The following COL4A3 variants were observed in gnomAD, a reference collection of about 807,000 sequenced individuals.
COL4A3 encodes collagen type IV alpha 3 chain, also known as collagen alpha-3(IV) chain.
Under a neutral mutation model 217.4 loss-of-function variants are expected in COL4A3, and 135 were observed. The ratio of observed to expected loss-of-function variants is 0.62; its 90% CI spans 0.54 to 0.72. COL4A3 has a LOEUF of 0.72. Among genes scored for constraint, COL4A3 ranks in the 30% least tolerant of loss-of-function variants. COL4A3 has a pLI of 0.00. For synonymous variants in COL4A3, 690 were observed against 736.3 expected, an observed-to-expected ratio of 0.94 and a Z score of 1.02; for missense variants, 1,868 against 2,119.9, an observed-to-expected ratio of 0.88 and a Z score of 2.33.
intron 44 of COL4A3, among the ~76,000 whole-genome samples, chr2:227,303,640 A>G (rs890675871): frequency 1.1e-4 from 16 of 152,226 alleles, no homozygotes; most frequent in African/African-American, 3.9e-4. Context: ...CTTCTGGAAT[A>G]TATTTCTTTA....
chr2:227,202,916 CATATATGTGTATATATGTGT>C lies in COL4A3; in HGVS notation c.88-35035_88-35016del, dbSNP rs1176307308. 2.6e-3 allele frequency among the ~76,000 whole-genome samples: 42 copies of C among 16,032 alleles called. 11 individuals carry two copies. Among genetic ancestry groups the C allele is most frequent in the African/African-American group, 0.011 (29 of 2,558 alleles). 10.5% of individuals were successfully genotyped at this position (16,032 alleles called of 152,430 possible). On this transcript the variant is annotated intron_variant, in intron 1 of 51. Transcript: ENST00000396578. ...ATATGTGTATATATGTGTATATATACATATATGTGTATATATGTGTATATATGTGTATATATACATATATG... is the reference window on the plus strand; with the variant it reads ...ATATGTGTATATATGTGTATATATACATATATGTGTATATATACATATATG...
intron 1 of COL4A3, among the ~76,000 whole-genome samples, chr2:227,188,770 A>G (rs914034209): frequency 1.3e-5 from 2 of 152,168 alleles, no homozygotes; most frequent in African/African-American, 4.8e-5. Flanking sequence ...TAACTCATTC[A>G]ACAAATATTT....
chr2:227,167,223 A>T (rs112382870), intron 1 of COL4A3, among the ~76,000 whole-genome samples: 8 of 152,342 alleles, frequency 5.3e-5, no homozygotes, highest in African/African-American at 1.9e-4. Flanking sequence ...GCTCCAATTT[A>T]TTCAGTTTTA....
At chr2:227,285,209 G>A (rs565598386) in intron 34 of COL4A3, among the ~76,000 whole-genome samples, 1 of 138,816 alleles carries the variant, frequency 7.2e-6, no homozygotes, top group Non-Finnish European at 1.5e-5. Flanking sequence ...AAATGAGACT[G>A]TGTTCAACAA....
intron 1 of COL4A3, among the ~76,000 whole-genome samples, chr2:227,215,857 T>C (rs960658363): frequency 3.3e-5 from 5 of 152,174 alleles, no homozygotes; most frequent in Admixed American, 2.0e-4. Context: ...CTAATAGATG[T>C]TTGTACTACT....
intron 43 of COL4A3, among the ~76,000 whole-genome samples, chr2:227,299,106 A>G (rs2073164820): frequency 6.6e-6 from 1 of 152,134 alleles, no homozygotes; most frequent in Admixed American, 6.5e-5. Flanking sequence ...TTATAAAACC[A>G]TCAGATCGGC....
chr2:227,208,393 C>G (rs774608659), intron 1 of COL4A3, among the ~76,000 whole-genome samples: 4 of 152,148 alleles, frequency 2.6e-5, no homozygotes, highest in Non-Finnish European at 5.9e-5. Flanking sequence ...AAGATCAGTG[C>G]TTGAGACATT....
chr2:227,302,304 CT>C (rs1252744365), intron 43 of COL4A3, among the ~76,000 whole-genome samples: 1 of 152,154 alleles, frequency 6.6e-6, no homozygotes, highest in African/African-American at 2.4e-5. Flanking sequence ...GCTCTGCTAG[CT>C]TAGTGAGAAT....
chr2:227,214,073 A>G (rs2067434099), intron 1 of COL4A3, among the ~76,000 whole-genome samples: 2 of 152,158 alleles, frequency 1.3e-5, no homozygotes, highest in Admixed American at 1.3e-4. Flanking sequence ...AAGATAGCTG[A>G]AGTAAATTGG....
intron 20 of COL4A3, among the ~76,000 whole-genome samples, chr2:227,262,432 T>G (rs2125967271): frequency 6.6e-6 from 1 of 152,322 alleles, no homozygotes; most frequent in South Asian, 2.1e-4. Context: ...AAAATGGCAT[T>G]GGTATCTTGA....
At chr2:227,289,128 A>C in intron 34 of COL4A3, 22 bp from the exon 35 acceptor site, 1 of 1,598,724 alleles carries the variant, frequency 6.3e-7, no homozygotes, top group Non-Finnish European at 8.6e-7. Context: ...TTTTCTTGTT[A>C]ATACCTGGTT....
intron 1 of COL4A3, among the ~76,000 whole-genome samples, chr2:227,180,134 G>A (rs144429311): frequency 6.6e-6 from 1 of 152,292 alleles, no homozygotes; most frequent in Non-Finnish European, 1.5e-5. Context: ...TCAGCGATTA[G>A]TAGCAGTGCT....
intron 15 of COL4A3, among the ~76,000 whole-genome samples, chr2:227,255,717 T>G (rs899197548): frequency 1.3e-5 from 2 of 152,140 alleles, no homozygotes; most frequent in African/African-American, 4.8e-5. Flanking sequence ...GTGTGTGTTT[T>G]TTTTTTCCCT....
chr2:227,209,100 C>T (rs1466644672), intron 1 of COL4A3, among the ~76,000 whole-genome samples: 2 of 152,236 alleles, frequency 1.3e-5, no homozygotes, highest in African/African-American at 2.4e-5. Flanking sequence ...CGACACAAAA[C>T]ATGACTTGAG....
chr2:227,244,920 T>G (rs537714920), intron 4 of COL4A3, 31 bp from the exon 5 acceptor site: 7 of 1,609,232 alleles, frequency 4.3e-6, no homozygotes, highest in Non-Finnish European at 5.1e-6. Flanking sequence ...TTTTTTTTTT[T>G]GCCACCCCCT....
chr2:227,184,454 GTGCCAGCT>G (rs2065952063), intron 1 of COL4A3, among the ~76,000 whole-genome samples: 1 of 152,192 alleles, frequency 6.6e-6, no homozygotes, highest in African/African-American at 2.4e-5. Context: ...GTGACCTTGA[GTGCCAGCT>G]TGGTTTCAGC....
intron 1 of COL4A3, among the ~76,000 whole-genome samples, chr2:227,168,420 C>T (rs549707287): frequency 1.3e-5 from 2 of 152,248 alleles, no homozygotes; most frequent in South Asian, 2.1e-4. Context: ...TTAATTGGCC[C>T]TTTATATTTC....
chr2:227,198,273 T>G (rs2066558365), intron 1 of COL4A3, among the ~76,000 whole-genome samples: 1 of 152,226 alleles, frequency 6.6e-6, no homozygotes, highest in Non-Finnish European at 1.5e-5. Context: ...GATATTTGTT[T>G]CTGTATCAGG....
chr2:227,207,348 T>C (rs1024744813), intron 1 of COL4A3, among the ~76,000 whole-genome samples: 23 of 152,200 alleles, frequency 1.5e-4, no homozygotes, highest in African/African-American at 5.3e-4. Context: ...AAAATAAATA[T>C]ATCTTCCAAA....
Sources: gnomAD v4.1 joint callset for allele counts (sites outside exome capture counted in the v4.1 genomes callset) on GRCh38, gnomAD v4.1.1 for gene constraint, MANE v1.5 for transcripts, NCBI Gene and HGNC (gene_info 2026-07-23, HGNC 2026-07-21) for gene names.